WWOX: variants seen among roughly 807,000 people sequenced by gnomAD.
WWOX encodes the protein WW domain containing oxidoreductase.
In WWOX, 69 loss-of-function variants were observed where a neutral mutation model predicts 46.2. The observed-to-expected ratio is 1.49, with a 90% confidence interval of 1.23 to 1.82. WWOX has a LOEUF of 1.82. Ranked by LOEUF, WWOX falls within the 40% of genes most tolerant of loss-of-function variation. The probability of loss-of-function intolerance (pLI) is 0.00; values close to 1 mark genes in which losing one functional copy is unlikely to be tolerated. For missense variants in WWOX, 919 were observed against 542.6 expected (o/e 1.69, Z -6.89); for synonymous variants, 359 against 202.6 (o/e 1.77, Z -6.56).
intron 8 of WWOX, among the ~76,000 whole-genome samples, chr16:79,083,589 A>T (rs2048801208): frequency 6.6e-6 from 1 of 152,224 alleles, no homozygotes; most frequent in South Asian, 2.1e-4. Flanking sequence ...GTATGGCTGC[A>T]ACATCCTTCC....
chr16:78,409,906 C>G (rs187527393), intron 6 of WWOX, among the ~76,000 whole-genome samples: 25 of 152,304 alleles, frequency 1.6e-4, no homozygotes, highest in Admixed American at 5.9e-4. Context: ...ACTGTGCTTA[C>G]CTAGATTATC....
chr16:78,397,951 G>A (rs990126908), intron 6 of WWOX, among the ~76,000 whole-genome samples: 1 of 152,188 alleles, frequency 6.6e-6, no homozygotes, highest in Non-Finnish European at 1.5e-5. Context: ...CCAATCAAGA[G>A]GGTGCTGCTT....
rs549766910 is a variant in WWOX at position 78,906,743 on chromosome 16, C to G, written c.1057-304865C>G. Among the ~76,000 whole-genome samples the G allele has an allele frequency of 1.3e-4, 20 of 152,264 alleles. No homozygotes were observed. The East Asian group carries it at 3.9e-3, about 29-fold the overall frequency. ...GTGCCCAGTTTAAGCTCTGAAAGTT[C>G]CTTTAACTTGAAATTGTTTTTGATC... On this transcript the variant is annotated intron_variant, in intron 8 of 8. Transcript: ENST00000566780.
intron 4 of WWOX, among the ~76,000 whole-genome samples, chr16:78,115,940 A>C (rs550007220): frequency 6.6e-6 from 1 of 152,136 alleles, no homozygotes; most frequent in Non-Finnish European, 1.5e-5. Context: ...GGTCCCCCGC[A>C]GCCCTCACAC....
chr16:78,099,940 G>C (rs953377116), intron 1 of WWOX, 55 bp downstream of exon 1: 1 of 1,535,664 alleles, frequency 6.5e-7, no homozygotes, highest in African/African-American at 1.4e-5. Flanking sequence ...ACAGCCCACG[G>C]ACGCCACCTG....
intron 4 of WWOX, among the ~76,000 whole-genome samples, chr16:78,139,367 T>A (rs1441328112): frequency 1.3e-5 from 2 of 152,206 alleles, no homozygotes; most frequent in Non-Finnish European, 2.9e-5. Flanking sequence ...ACAGTAGGTC[T>A]GGCACTGTTG....
chr16:79,019,895 C>T (rs750739047), intron 8 of WWOX, among the ~76,000 whole-genome samples: 34 of 152,144 alleles, frequency 2.2e-4, no homozygotes, highest in Non-Finnish European at 4.4e-4. Context: ...TGTTCTTTTC[C>T]CTCTAATGGG....
At chr16:78,805,799 T>C (rs2051019290) in intron 8 of WWOX, among the ~76,000 whole-genome samples, 1 of 152,234 alleles carries the variant, frequency 6.6e-6, no homozygotes. Flanking sequence ...TTTTTGTTTC[T>C]GTTTTCAGTT....
intron 8 of WWOX, among the ~76,000 whole-genome samples, chr16:78,874,684 C>CTTTTTT (rs552696627): frequency 6.9e-4 from 58 of 83,484 alleles, no homozygotes; most frequent in Non-Finnish European, 8.1e-4. Context: ...AGATTTTTTT[C>CTTTTTT]TTTTTTTTTT....
intron 8 of WWOX, among the ~76,000 whole-genome samples, chr16:78,595,896 C>G (rs558742184): frequency 2.0e-5 from 3 of 152,224 alleles, no homozygotes; most frequent in South Asian, 4.1e-4. Flanking sequence ...TTTATTTTTG[C>G]TATCTAAAAT....
At chr16:78,958,231 A>T (rs988544260) in intron 8 of WWOX, among the ~76,000 whole-genome samples, 2 of 152,070 alleles carry the variant, frequency 1.3e-5, no homozygotes, top group African/African-American at 2.4e-5. Flanking sequence ...ACTTCTGAAT[A>T]TTTCGGTTCT....
chr16:78,387,370 A>G, intron 6 of WWOX, among the ~76,000 whole-genome samples: 1 of 152,228 alleles, frequency 6.6e-6, no homozygotes, highest in East Asian at 1.9e-4. Context: ...AAAGACCTCT[A>G]GTTTCTAAAG....
In WWOX at chr16:78,355,607, C is replaced by T. The variant is rs1281506628; in HGVS notation, c.517-31253C>T. On this transcript the variant is annotated intron_variant, in intron 5 of 8. Coordinates refer to ENST00000566780, the MANE Select transcript of WWOX (RefSeq NM_016373.4). Reference sequence around the variant, plus strand: ...GGATCTTAGGCTCAGCCCAGAGGAGCGAATTTGTGTGAAAATGAGAAACGA... The same window carrying T: ...GGATCTTAGGCTCAGCCCAGAGGAGTGAATTTGTGTGAAAATGAGAAACGA... 5.6e-5 allele frequency: 31 copies of T among 551,782 alleles called. No homozygotes were observed. In the East Asian group the frequency reaches 8.4e-4, roughly 15 times the overall value. 34.2% of individuals were successfully genotyped at this position (551,782 alleles called of 1,614,324 possible).
chr16:79,134,752 G>C (rs1003237089), intron 8 of WWOX, among the ~76,000 whole-genome samples: 2 of 152,188 alleles, frequency 1.3e-5, no homozygotes, highest in Non-Finnish European at 2.9e-5. Flanking sequence ...AGTCTGTACA[G>C]TACTTAGCCA....
At chr16:79,132,993 G>T (rs892070432) in intron 8 of WWOX, among the ~76,000 whole-genome samples, 2 of 152,136 alleles carry the variant, frequency 1.3e-5, no homozygotes, top group Non-Finnish European at 2.9e-5. Context: ...GATCTTACCA[G>T]TCCTGGCAGG....
At chr16:79,136,768 T>C (rs1415395099) in intron 8 of WWOX, among the ~76,000 whole-genome samples, 1 of 152,180 alleles carries the variant, frequency 6.6e-6, no homozygotes, top group Non-Finnish European at 1.5e-5. Context: ...ATAATATCCC[T>C]TGAAGCCAAC....
intron 8 of WWOX, among the ~76,000 whole-genome samples, chr16:78,797,360 A>T (rs1597626187): frequency 3.7e-5 from 1 of 26,790 alleles, no homozygotes; most frequent in African/African-American, 6.3e-5. Flanking sequence ...CAAAGTGGTA[A>T]AAAAAAAAAA....
At chr16:78,334,758 A>G (rs71386270) in intron 5 of WWOX, among the ~76,000 whole-genome samples, 15,426 of 151,372 alleles carry the variant, frequency 0.1, 1,790 homozygotes, top group African/African-American at 0.29. Context: ...AAAGAATTAA[A>G]ACCACCCACC....
At position 78,674,773 on chromosome 16, in the gene WWOX, C is replaced by T. The variant is rs185134325; in HGVS notation, c.1056+242021C>T. Among the ~76,000 whole-genome samples, 686 of 151,926 alleles carry T rather than the reference C, an allele frequency of 4.5e-3. 2 individuals carry two copies. Among genetic ancestry groups the T allele is most frequent in the Middle Eastern group, 0.034 (10 of 294 alleles). On this transcript the variant is annotated intron_variant, in intron 8 of 8. Coordinates refer to ENST00000566780, the MANE Select transcript of WWOX (RefSeq NM_016373.4). ...ACTGAAAAGAGGAGTAATGGAAGGACATGTACTCTTCCCATATATTTTTAA... is the reference window on the plus strand; with the variant it reads ...ACTGAAAAGAGGAGTAATGGAAGGATATGTACTCTTCCCATATATTTTTAA...
Sources: allele counts gnomAD v4.1 joint callset (sites outside exome capture counted in the v4.1 genomes callset), GRCh38; gene constraint gnomAD v4.1.1; transcripts MANE v1.5; gene names NCBI Gene and HGNC (gene_info 2026-07-23, HGNC 2026-07-21).